The following HERC2 variants were observed in gnomAD, a reference collection of about 807,000 sequenced individuals.
HERC2 encodes E3 ubiquitin-protein ligase HERC2.
Under a neutral mutation model 537.7 loss-of-function variants are expected in HERC2, and 102 were observed. That is an observed-to-expected ratio of 0.19 (90% CI 0.16 to 0.22). The LOEUF is 0.22. Among genes scored for constraint, HERC2 ranks in the 10% least tolerant of loss-of-function variants. The pLI is 1.00. For synonymous variants in HERC2, 2,224 were observed against 2,466.2 expected (o/e 0.90, Z 2.91); for missense variants, 4,236 against 6,198.2 (o/e 0.68, Z 10.63).
At position 28,272,949 on chromosome 15, in the gene HERC2, G is replaced by C. The variant is rs1321352221; in HGVS notation, c.856C>G (p.Gln286Glu). The change falls in exon 8 of 93, where the codon CAG becomes GAG. Residue 286 changes from glutamine to glutamate, a missense_variant. Around this residue, in one of 27 missense-constraint regions of HERC2, gnomAD observed 491 missense variants for 559.3 expected, o/e 0.88. Transcript: ENST00000261609. ...AGCAGGATGGCCAGGGCCAAGTGCT[G>C]GTCCTGCAGGGGGATGCTTCCTGGC... is the stretch of plus-strand genomic sequence containing the variant. ...KGPGSIPLQD[Q>E]HLALAILLEL... is the part of the protein sequence containing the mutation. 6.2e-7 allele frequency: 1 copy of C among 1,612,284 alleles called. No homozygotes were observed. The highest frequency in any genetic ancestry group is 1.3e-5 in the African/African-American group (1 of 74,906).
At chr15:28,209,434 C>G (rs1211818703) in intron 44 of HERC2, among the ~76,000 whole-genome samples, 1 of 151,978 alleles carries the variant, frequency 6.6e-6, no homozygotes, top group African/African-American at 2.4e-5. Context: ...AGCTCTGCCT[C>G]CCGAGTTCAC....
intron 2 of HERC2, among the ~76,000 whole-genome samples, chr15:28,307,204 C>T (rs2076813920): frequency 1.3e-5 from 2 of 152,166 alleles, no homozygotes; most frequent in South Asian, 4.1e-4. Flanking sequence ...CTCTAATGAC[C>T]CTTTGAATTT....
chr15:28,161,714 C>G (rs185287797), intron 69 of HERC2, among the ~76,000 whole-genome samples: 1 of 152,260 alleles, frequency 6.6e-6, no homozygotes, highest in East Asian at 1.9e-4. Flanking sequence ...TGGCTCCGGT[C>G]CAGAACATTT....
chr15:28,307,581 C>T (rs1166014932), intron 2 of HERC2, among the ~76,000 whole-genome samples: 2 of 152,174 alleles, frequency 1.3e-5, no homozygotes, highest in East Asian at 1.9e-4. Flanking sequence ...TTTAATTTCA[C>T]TCTTAATTTC....
chr15:28,267,384 ATTGT>A (rs1464532521), intron 12 of HERC2, among the ~76,000 whole-genome samples: 3 of 152,222 alleles, frequency 2.0e-5, no homozygotes, highest in African/African-American at 7.2e-5. Flanking sequence ...TCCACTGAGA[ATTGT>A]TTTACTATGA....
At chr15:28,293,803 C>T (rs1178182555) in intron 3 of HERC2, among the ~76,000 whole-genome samples, 1 of 152,200 alleles carries the variant, frequency 6.6e-6, no homozygotes, top group Non-Finnish European at 1.5e-5. Flanking sequence ...AATTCAAGAG[C>T]ACTGGGAAAC....
chr15:28,191,188 G>A lies in HERC2; in HGVS notation c.8508C>T (p.Ile2836=), dbSNP rs757893230. ...PDVLVHRLKM[I]VDPADSSYMP... ...TGTAGCTACTGTCAGCAGGATCTAC[G>A]ATCATTTTTAATCTATGAACAAGAA... Residue 2836 remains isoleucine (I), a synonymous_variant, in exon 54 of 93, where the codon ATC becomes ATT. Transcript: ENST00000261609. 2.5e-5 allele frequency: 41 copies of A among 1,613,624 alleles called. No homozygotes were observed. The highest frequency in any genetic ancestry group is 1.6e-4 in the Middle Eastern group (1 of 6,084).
intron 2 of HERC2, among the ~76,000 whole-genome samples, chr15:28,307,698 G>T (rs1401287234): frequency 6.6e-6 from 1 of 152,220 alleles, no homozygotes; most frequent in Non-Finnish European, 1.5e-5. Context: ...CATGTGATCA[G>T]AGAAGATACT....
chr15:28,130,812 C>T (rs933600322), intron 81 of HERC2, among the ~76,000 whole-genome samples: 2 of 152,206 alleles, frequency 1.3e-5, no homozygotes, highest in African/African-American at 4.8e-5. Flanking sequence ...CACTGTGGCC[C>T]GGTGGGACCC....
chr15:28,304,602 G>A (rs1283269126), intron 2 of HERC2, among the ~76,000 whole-genome samples: 1 of 151,538 alleles, frequency 6.6e-6, no homozygotes, highest in Non-Finnish European at 1.5e-5. Context: ...GACCTCAAGT[G>A]ATCCACTCAC....
At chr15:28,130,467 G>A in intron 82 of HERC2, 36 bp downstream of exon 82, 16 of 1,596,060 alleles carry the variant, frequency 1.0e-5, no homozygotes, top group Non-Finnish European at 1.4e-5. Flanking sequence ...TAAAAATCTG[G>A]TTTTAGTGGG....
At chr15:28,187,932 G>C (rs972883276) in intron 55 of HERC2, among the ~76,000 whole-genome samples, 1 of 152,138 alleles carries the variant, frequency 6.6e-6, no homozygotes, top group African/African-American at 2.4e-5. Context: ...TCATGTGAAC[G>C]AAGAGAGATG....
intron 5 of HERC2, 52 bp from the exon 6 acceptor site, chr15:28,275,057 A>G (rs773186485): frequency 2.1e-5 from 24 of 1,156,240 alleles, no homozygotes; most frequent in Non-Finnish European, 3.1e-5. Context: ...GAGGGTGCAG[A>G]TACTACATAA....
Position 28,147,903 on chromosome 15 carries a change from A to G in HERC2, c.10901-1559T>C, listed in dbSNP as rs180721777. The stretch of plus-strand genomic sequence containing the variant: ...TAAAAATAAGTTAGCCAAGTGTGGC[A>G]GCACAAGCCTGTAGTCCTAGCTTCT... On this transcript the variant is annotated intron_variant, in intron 70 of 92. Coordinates refer to ENST00000261609, the MANE Select transcript of HERC2 (RefSeq NM_004667.6). Among the ~76,000 whole-genome samples, 546 of 152,004 alleles carry G rather than the reference A, an allele frequency of 3.6e-3. 5 individuals carry two copies. The highest frequency in any genetic ancestry group is 0.012 in the African/African-American group (508 of 41,500).
intron 2 of HERC2, among the ~76,000 whole-genome samples, chr15:28,303,504 T>C (rs2076692263): frequency 2.0e-5 from 3 of 152,362 alleles, no homozygotes; most frequent in South Asian, 4.1e-4. Flanking sequence ...GTTTTGTTTT[T>C]TGCTCAGGAT....
chr15:28,132,544 C>T, intron 80 of HERC2, 109 bp downstream of exon 80: 1 of 1,119,436 alleles, frequency 8.9e-7, no homozygotes, highest in Non-Finnish European at 1.2e-6. Flanking sequence ...TACAGTGGGC[C>T]TTCTAGAAGC....
At chr15:28,171,604 CA>C (rs1464987235) in intron 65 of HERC2, among the ~76,000 whole-genome samples, 1 of 151,558 alleles carries the variant, frequency 6.6e-6, no homozygotes, top group Non-Finnish European at 1.5e-5. Flanking sequence ...GGGGAAAAAA[CA>C]AAATATTTGT....
intron 88 of HERC2, among the ~76,000 whole-genome samples, chr15:28,116,216 CTTTTTCT>C (rs1566907722): frequency 1.8e-5 from 2 of 110,874 alleles, no homozygotes; most frequent in African/African-American, 2.8e-5. Flanking sequence ...AAAGTCTTTT[CTTTTTCT>C]TTTTTTTTTT....
intron 47 of HERC2, 91 bp from the exon 48 acceptor site, chr15:28,201,645 A>G: frequency 1.2e-6 from 1 of 828,034 alleles, no homozygotes; most frequent in Non-Finnish European, 2.0e-6. Flanking sequence ...TATAATATTA[A>G]AAAGTAGAGG....
Sources: allele counts gnomAD v4.1 joint callset (sites outside exome capture counted in the v4.1 genomes callset), GRCh38; gene constraint gnomAD v4.1.1; regional missense constraint gnomAD v4.1.1; transcripts MANE v1.5; gene names NCBI Gene and HGNC (gene_info 2026-07-23, HGNC 2026-07-21).